Variants in CELSR1 observed in about 807,000 individuals in gnomAD.
CELSR1 encodes adhesion G protein-coupled receptor C1.
CELSR1 carries 110 observed loss-of-function variants against 249.1 expected under a neutral mutation model. That is an observed-to-expected ratio of 0.44 (90% CI 0.38 to 0.52). CELSR1 has a LOEUF of 0.52. Ranked by LOEUF, CELSR1 falls within the 20% of genes least tolerant of loss-of-function variation. CELSR1 has a pLI of 0.00. For missense variants in CELSR1, 4,109 were observed against 4,296.4 expected, an observed-to-expected ratio of 0.96 and a Z score of 1.22; for synonymous variants, 2,113 against 1,900.0, an observed-to-expected ratio of 1.11 and a Z score of -2.92.
In CELSR1 at chr22:46,402,358, G is replaced by A. The variant is rs1042465656; in HGVS notation, c.5227-2456C>T. On this transcript the variant is annotated intron_variant, in intron 9 of 34. Coordinates refer to ENST00000674500, the MANE Select transcript of CELSR1 (RefSeq NM_001378328.1). The surrounding 1 kb of genome is among the most constrained non-coding windows in gnomAD (Gnocchi z 5.0). ...CAGCCTCCCGAGTAGCTGAGATACA[G>A]GTACCCACCACCACACCCAGCTAAT... 1.3e-5 allele frequency among the ~76,000 whole-genome samples: 2 copies of A among 151,868 alleles called. No individual in the cohort carries two copies. The highest frequency in any genetic ancestry group is 2.9e-5 in the Non-Finnish European group (2 of 67,978).
chr22:46,430,718 T>C lies in CELSR1; in HGVS notation c.4611+2675A>G, dbSNP rs1174498136. Among the ~76,000 whole-genome samples, 1 of 152,032 alleles carries C rather than the reference T, an allele frequency of 6.6e-6. No homozygotes were observed. Among genetic ancestry groups the C allele is most frequent in the East Asian group, 1.9e-4 (1 of 5,168 alleles). ...AGCAGAGGAACCAGCCCCCAGAAGA[T>C]TGTCTTCCTGACCTCAAGCTGGCCC... On this transcript the variant is annotated intron_variant, in intron 5 of 34. Transcript: ENST00000674500. This position sits in a 1 kb window ranked among gnomAD's most constrained non-coding sequence, Gnocchi z 4.6.
chr22:46,438,054 G>C (rs1422681012), intron 3 of CELSR1, among the ~76,000 whole-genome samples: 1 of 152,104 alleles, frequency 6.6e-6, no homozygotes, highest in African/African-American at 2.4e-5. Context: ...AGTCCTGCAC[G>C]GCCCCCCTGG....
chr22:46,485,663 C>T (rs1212780456), intron 1 of CELSR1, among the ~76,000 whole-genome samples: 2 of 152,204 alleles, frequency 1.3e-5, no homozygotes, highest in African/African-American at 4.8e-5. Flanking sequence ...CTCCATGCAC[C>T]TCTCCATCCA....
At chr22:46,466,932 C>G (rs1381951182) in intron 1 of CELSR1, among the ~76,000 whole-genome samples, 1 of 152,168 alleles carries the variant, frequency 6.6e-6, no homozygotes, top group Non-Finnish European at 1.5e-5. Flanking sequence ...TCCTCCGCAT[C>G]AGGACGCAGC....
intron 2 of CELSR1, among the ~76,000 whole-genome samples, chr22:46,455,339 C>G (rs1355815553): frequency 6.6e-6 from 1 of 152,202 alleles, no homozygotes; most frequent in Non-Finnish European, 1.5e-5. Context: ...AAGCGATTCT[C>G]CTGCCTCAGT....
In CELSR1 at chr22:46,437,240, C is replaced by A. The variant is rs951421280; in HGVS notation, c.4407-951G>T. Reference sequence around the variant, plus strand: ...GGGCCCCGGGCAGGGGGTCTTCAGACCCAAATCACCACAACACCTCCCCCA... The same window carrying A: ...GGGCCCCGGGCAGGGGGTCTTCAGAACCAAATCACCACAACACCTCCCCCA... On this transcript the variant is annotated intron_variant, in intron 3 of 34. Coordinates refer to ENST00000674500, the MANE Select transcript of CELSR1 (RefSeq NM_001378328.1). The surrounding 1 kb of genome is among the most constrained non-coding windows in gnomAD (Gnocchi z 4.9). Among the ~76,000 whole-genome samples, 2 of 152,188 alleles carry A rather than the reference C, an allele frequency of 1.3e-5. No individual in the cohort carries two copies. The highest frequency in any genetic ancestry group is 2.4e-5 in the African/African-American group (1 of 41,434).
intron 1 of CELSR1, among the ~76,000 whole-genome samples, chr22:46,508,407 C>T (rs1019676285): frequency 4.6e-5 from 7 of 151,680 alleles, no homozygotes; most frequent in Non-Finnish European, 8.8e-5. Context: ...CCGTCCCCTG[C>T]GTGGTGGTCA....
At chr22:46,377,781 A>G (rs1159516458) in intron 23 of CELSR1, among the ~76,000 whole-genome samples, 1 of 152,216 alleles carries the variant, frequency 6.6e-6, no homozygotes. Flanking sequence ...ATATTGCACA[A>G]GAGGCCGCTG....
At chr22:46,400,322 T>C (rs1285001427) in intron 9 of CELSR1, among the ~76,000 whole-genome samples, 1 of 144,294 alleles carries the variant, frequency 6.9e-6, no homozygotes, top group African/African-American at 2.6e-5. Flanking sequence ...GAGCGAGACT[T>C]GGTCTCGAGA....
intron 1 of CELSR1, among the ~76,000 whole-genome samples, chr22:46,509,215 C>A (rs1211758258): frequency 6.6e-6 from 1 of 152,196 alleles, no homozygotes; most frequent in Non-Finnish European, 1.5e-5. Flanking sequence ...ACAGGCACCA[C>A]AGGGTCTGGA....
chr22:46,442,681 G>A (rs1248392774), intron 2 of CELSR1, among the ~76,000 whole-genome samples: 1 of 152,234 alleles, frequency 6.6e-6, no homozygotes, highest in Non-Finnish European at 1.5e-5. Flanking sequence ...AAATGAAACT[G>A]ATTTATAATC....
Position 46,366,431 on chromosome 22 carries a change from C to G in CELSR1, c.8255G>C (p.Arg2752Pro), listed in dbSNP as rs781447851. The G allele has an allele frequency of 1.9e-6, 3 of 1,550,068 alleles. No homozygotes were observed. The highest frequency in any genetic ancestry group is 1.4e-5 in the African/African-American group (1 of 72,884). The change falls in exon 30 of 35, where the codon CGC becomes CCC. Residue 2752 changes from arginine (R) to proline (P), a missense_variant. Coordinates refer to ENST00000674500, the MANE Select transcript of CELSR1 (RefSeq NM_001378328.1). ...TTFGDGPDML[R>P]TDLGESTASL... ...GGCGGTGGACTCGCCCAAGTCTGTG[C>G]GCAGCATGTCAGGCCCGTCACCGAA...
intron 1 of CELSR1, among the ~76,000 whole-genome samples, chr22:46,487,558 C>G (rs2147686112): frequency 3.9e-5 from 1 of 25,962 alleles, no homozygotes; most frequent in Non-Finnish European, 7.2e-5. Context: ...CGGTGCAGTG[C>G]AGGTGGGGGG....
In CELSR1 at chr22:46,394,246, G is replaced by T. The variant is rs750578781; in HGVS notation, c.5860C>A (p.Pro1954Thr). 5 of 1,613,518 alleles carry T rather than the reference G, an allele frequency of 3.1e-6. No homozygotes were observed. The South Asian group carries it at 5.5e-5, about 18-fold the overall frequency. Reference sequence around the variant, plus strand: ...ACGGGGTTCCCCCACCAGCCTCTGGGGCACGGAAGGTCGAGTCTGTGGGGA... The same window carrying T: ...ACGGGGTTCCCCCACCAGCCTCTGGTGCACGGAAGGTCGAGTCTGTGGGGA... ...YCENKLDLPC[P>T]RGWWGNPVCG... Residue 1954 changes from proline (P) to threonine (T), a missense_variant, in exon 14 of 35, where the codon CCC becomes ACC. Pro to Thr is a conservative substitution (Grantham distance 38). Transcript: ENST00000674500.
rs2080516229 is a variant in CELSR1 at position 46,506,486 on chromosome 22, C to T, written c.3544+27141G>A. On this transcript the variant is annotated intron_variant, in intron 1 of 34. Transcript: ENST00000674500. This position sits in a 1 kb window ranked among gnomAD's most constrained non-coding sequence, Gnocchi z 4.1. ...ACAGTCCAGCAAGAGTCCAGCCCAA[C>T]CGGCCCTGCCTCAGGTCTGCGTTCT... Among the ~76,000 whole-genome samples, 1 of 152,216 alleles carries T rather than the reference C, an allele frequency of 6.6e-6. No homozygotes were observed. The highest frequency in any genetic ancestry group is 2.1e-4 in the South Asian group (1 of 4,832).
rs1159900345 is a variant in CELSR1 at position 46,447,808 on chromosome 22, C to T, written c.4184-8397G>A. Among the ~76,000 whole-genome samples the T allele has an allele frequency of 6.6e-6, 1 of 152,030 alleles. No individual in the cohort carries two copies. Among genetic ancestry groups the T allele is most frequent in the Non-Finnish European group, 1.5e-5 (1 of 68,002 alleles). ...CTAATTTTTGTATTTTAAGTAGAGACGGGGTTTCACCATGTTGGCCAGGCT... is the reference window on the plus strand; with the variant it reads ...CTAATTTTTGTATTTTAAGTAGAGATGGGGTTTCACCATGTTGGCCAGGCT... On this transcript the variant is annotated intron_variant, in intron 2 of 34. Transcript: ENST00000674500. This position sits in a 1 kb window ranked among gnomAD's most constrained non-coding sequence, Gnocchi z 4.7.
Position 46,391,795 on chromosome 22 carries a change from C to G in CELSR1, c.5986G>C (p.Ala1996Pro). 6.2e-7 allele frequency: 1 copy of G among 1,611,138 alleles called. No homozygotes were observed. Among genetic ancestry groups the G allele is most frequent in the Non-Finnish European group, 8.5e-7 (1 of 1,179,432 alleles). ...QCKENYYKLLAQDTCLPCDCF... is the reference protein window; with the variant it reads ...QCKENYYKLLPQDTCLPCDCF... ...TCGCAGGGCAGACAGGTGTCCTGGG[C>G]TAGGAGCTTGTAGTAATTCTCCTGC... Residue 1996 changes from alanine to proline, a missense_variant, in exon 15 of 35, where the codon GCC (alanine) becomes CCC (proline). Ala to Pro is a conservative substitution (Grantham distance 27). Transcript: ENST00000674500. This position sits in a 1 kb window ranked among gnomAD's most constrained non-coding sequence, Gnocchi z 4.3.
Position 46,463,875 on chromosome 22 carries a change from G to A in CELSR1, c.4015C>T (p.Arg1339Trp), listed in dbSNP as rs1195542101. 1 of 1,612,840 alleles carries A rather than the reference G, an allele frequency of 6.2e-7. No individual in the cohort carries two copies. Among genetic ancestry groups the A allele is most frequent in the Non-Finnish European group, 8.5e-7 (1 of 1,179,408 alleles). ...AGGCCGTTGATGGGGTGGATGGGCCGGAAGAGCACGGTGGTGGAGCTGAGG... is the reference window on the plus strand; with the variant it reads ...AGGCCGTTGATGGGGTGGATGGGCCAGAAGAGCACGGTGGTGGAGCTGAGG... ...PFLSSTTVLFRPIHPINGLRC... is the reference protein window; with the variant it reads ...PFLSSTTVLFWPIHPINGLRC... The change falls in exon 2 of 35, where the codon CGG becomes TGG. Residue 1339 changes from arginine (R) to tryptophan (W), a missense_variant. This residue lies in a region of CELSR1 where 141 missense variants were observed against 209.4 expected (regional missense o/e 0.67). Coordinates refer to ENST00000674500, the MANE Select transcript of CELSR1 (RefSeq NM_001378328.1).
intron 5 of CELSR1, among the ~76,000 whole-genome samples, chr22:46,418,334 A>C (rs190829864): frequency 6.6e-6 from 1 of 152,090 alleles, no homozygotes; most frequent in African/African-American, 2.4e-5. Context: ...AATACAAAAA[A>C]AATTAGCCAG....
Sources: gnomAD v4.1 joint callset for allele counts (sites outside exome capture counted in the v4.1 genomes callset) on GRCh38, gnomAD v4.1.1 for gene constraint, gnomAD v4.1.1 regional missense constraint, Gnocchi (gnomAD v3.1) non-coding constraint, MANE v1.5 for transcripts, NCBI Gene and HGNC (gene_info 2026-07-23, HGNC 2026-07-21) for gene names.